Variants in FHIT observed in about 807,000 individuals in gnomAD.
FHIT encodes fragile histidine triad diadenosine triphosphatase, also known as bis(5'-adenosyl)-triphosphatase.
Under a neutral mutation model 17.9 loss-of-function variants are expected in FHIT, and 19 were observed. That is an observed-to-expected ratio of 1.06 (90% CI 0.74 to 1.56). The LOEUF (loss-of-function observed/expected upper bound fraction) is 1.56. Ranked by LOEUF, FHIT falls within the 40% of genes most tolerant of loss-of-function variation. FHIT has a pLI of 0.00. For missense variants in FHIT, 248 were observed against 189.2 expected, an observed-to-expected ratio of 1.31 and a Z score of -1.82; for synonymous variants, 81 against 69.7, an observed-to-expected ratio of 1.16 and a Z score of -0.81.
chr3:60,194,334 G>A lies in FHIT; in HGVS notation c.104-180182C>T, dbSNP rs546091315. ...CAAAGCATTAAAAAACATAAACTGG[G>A]GAAAGGACACTCTATTTAATAAATG... is the stretch of plus-strand genomic sequence containing the variant. On this transcript the variant is annotated intron_variant, in intron 5 of 9. Transcript: ENST00000492590. 3.9e-5 allele frequency among the ~76,000 whole-genome samples: 6 copies of A among 152,104 alleles called. 1 individual carries two copies. Among genetic ancestry groups the A allele is most frequent in the African/African-American group, 1.4e-4 (6 of 41,500 alleles).
chr3:59,854,770 C>T (rs1345884585), intron 8 of FHIT, among the ~76,000 whole-genome samples: 1 of 151,272 alleles, frequency 6.6e-6, no homozygotes, highest in Non-Finnish European at 1.5e-5. Context: ...CCATACTAGG[C>T]TCCCTCTCTA....
chr3:60,729,058 C>T (rs1478253353), intron 4 of FHIT, among the ~76,000 whole-genome samples: 1 of 152,124 alleles, frequency 6.6e-6, no homozygotes, highest in Non-Finnish European at 1.5e-5. Flanking sequence ...AAAAGAAAGA[C>T]CCAAGAGAAA....
intron 8 of FHIT, among the ~76,000 whole-genome samples, chr3:59,823,188 ACTATGGC>A (rs1315481163): frequency 6.6e-6 from 1 of 152,172 alleles, no homozygotes; most frequent in African/African-American, 2.4e-5. Context: ...TGTTTTGGTG[ACTATGGC>A]CTTATAGTAT....
At chr3:59,835,686 C>T (rs1195129275) in intron 8 of FHIT, among the ~76,000 whole-genome samples, 6 of 152,200 alleles carry the variant, frequency 3.9e-5, no homozygotes, top group East Asian at 1.9e-4. Flanking sequence ...TTTAGTGCTA[C>T]GAGAATCACC....
intron 3 of FHIT, among the ~76,000 whole-genome samples, chr3:61,023,667 C>T (rs1324617269): frequency 1.3e-5 from 2 of 152,108 alleles, no homozygotes; most frequent in Non-Finnish European, 2.9e-5. Context: ...ACCAATGAAA[C>T]AGAACAGAGG....
chr3:60,957,528 C>A (rs186563973), intron 3 of FHIT, among the ~76,000 whole-genome samples: 1 of 147,578 alleles, frequency 6.8e-6, no homozygotes. Context: ...TGAGCCATGG[C>A]GCCGGGCCCA....
In FHIT at chr3:60,405,941, C is replaced by T. The variant is rs1701840375; in HGVS notation, c.103+130919G>A. Among the ~76,000 whole-genome samples, 3 of 152,278 alleles carry T rather than the reference C, an allele frequency of 2.0e-5. No homozygotes were observed. The South Asian group carries it at 6.2e-4, about 32-fold the overall frequency. On this transcript the variant is annotated intron_variant, in intron 5 of 9. Transcript: ENST00000492590. ...CCATTGGAATCATGGCAACAATAAT[C>T]AACCACTTCTTATATGTTAAGTGGT... is the stretch of plus-strand genomic sequence containing the variant.
intron 8 of FHIT, among the ~76,000 whole-genome samples, chr3:59,921,803 T>C (rs1224221546): frequency 6.6e-6 from 1 of 152,232 alleles, no homozygotes; most frequent in Non-Finnish European, 1.5e-5. Context: ...ACTTGTATCT[T>C]TGAATGGGAG....
intron 2 of FHIT, among the ~76,000 whole-genome samples, chr3:61,055,962 C>T (rs1192092708): frequency 6.6e-6 from 1 of 152,162 alleles, no homozygotes; most frequent in African/African-American, 2.4e-5. Context: ...AGCATTTATC[C>T]TTTGTGTTAC....
intron 2 of FHIT, among the ~76,000 whole-genome samples, chr3:61,058,581 T>A (rs2034310788): frequency 2.0e-5 from 3 of 152,064 alleles, no homozygotes; most frequent in African/African-American, 7.2e-5. Context: ...GTGCAGCACT[T>A]CCCCCTTTAG....
intron 4 of FHIT, among the ~76,000 whole-genome samples, chr3:60,569,753 A>ATTTTTTT (rs1200159409): frequency 2.8e-4 from 16 of 57,214 alleles, no homozygotes; most frequent in East Asian, 1.3e-3. Flanking sequence ...ATATATATAT[A>ATTTTTTT]TATTTTTTTT....
chr3:60,260,784 G>A (rs140070256), intron 5 of FHIT, among the ~76,000 whole-genome samples: 2 of 152,096 alleles, frequency 1.3e-5, no homozygotes, highest in South Asian at 2.1e-4. Flanking sequence ...AGATGCAGAT[G>A]CGTAAAGAAG....
intron 2 of FHIT, among the ~76,000 whole-genome samples, chr3:61,164,382 A>T (rs1025186551): frequency 1.3e-5 from 2 of 152,224 alleles, no homozygotes; most frequent in African/African-American, 4.8e-5. Context: ...CCTACTGATG[A>T]AATCAGAAAC....
chr3:59,827,285 G>A (rs1036482146), intron 8 of FHIT, among the ~76,000 whole-genome samples: 5 of 152,164 alleles, frequency 3.3e-5, no homozygotes, highest in African/African-American at 1.2e-4. Flanking sequence ...AACCATGATG[G>A]ACAAACTGCT....
At chr3:60,497,267 G>A (rs184479418) in intron 5 of FHIT, among the ~76,000 whole-genome samples, 1 of 151,946 alleles carries the variant, frequency 6.6e-6, no homozygotes, top group Non-Finnish European at 1.5e-5. Context: ...ACAGAGGAAG[G>A]AGAATAAGAT....
chr3:60,204,242 G>C (rs571891391), intron 5 of FHIT, among the ~76,000 whole-genome samples: 1 of 151,824 alleles, frequency 6.6e-6, no homozygotes, highest in Non-Finnish European at 1.5e-5. Context: ...ATTAAAAAAT[G>C]GGCAAATATA....
chr3:60,553,280 G>T, intron 4 of FHIT: 1 of 330,500 alleles, frequency 3.0e-6, no homozygotes, highest in Non-Finnish European at 4.3e-6. Flanking sequence ...GGTCAAATTG[G>T]TTTCATTATA....
chr3:60,825,507 G>A (rs549044507), intron 3 of FHIT, among the ~76,000 whole-genome samples: 23 of 152,172 alleles, frequency 1.5e-4, no homozygotes, highest in Non-Finnish European at 2.2e-4. Context: ...ACCAGTACCA[G>A]TCTGTGGCCT....
At chr3:60,237,276 TTTTTTG>T (rs997969757) in intron 5 of FHIT, among the ~76,000 whole-genome samples, 6 of 150,770 alleles carry the variant, frequency 4.0e-5, no homozygotes, top group African/African-American at 7.3e-5. Flanking sequence ...TTTTTTTTTT[TTTTTTG>T]GTTAATCTGA....
Sources: gnomAD v4.1 joint callset for allele counts (sites outside exome capture counted in the v4.1 genomes callset) on GRCh38, gnomAD v4.1.1 for gene constraint, MANE v1.5 for transcripts, NCBI Gene and HGNC (gene_info 2026-07-23, HGNC 2026-07-21) for gene names.